UPRT: variants seen among roughly 807,000 people sequenced by gnomAD.
The protein encoded by UPRT is uracil phosphoribosyltransferase homolog.
Under a neutral mutation model 22.6 loss-of-function variants are expected in UPRT, and 5 were observed. The ratio of observed to expected loss-of-function variants is 0.22; its 90% CI spans 0.12 to 0.47. The LOEUF is 0.47. UPRT is among the 20% of genes least tolerant of loss of function. The probability of loss-of-function intolerance (pLI) is 0.99; values close to 1 mark genes in which losing one functional copy is unlikely to be tolerated. For missense variants in UPRT, 181 were observed against 239.9 expected (o/e 0.75, Z 1.62); for synonymous variants, 77 against 87.7 (o/e 0.88, Z 0.68).
At chrX:75,227,293 C>T (rs1343395932) in intron 4 of UPRT, among the ~76,000 whole-genome samples, 1 of 111,449 alleles carries the variant, frequency 9.0e-6, no homozygotes, top group African/African-American at 3.3e-5. Flanking sequence ...TAAAGGGAAG[C>T]GGATGAGGGT....
At chrX:75,271,495 C>T (rs1385849600), upstream of UPRT, among the ~76,000 whole-genome samples, 2 of 112,057 alleles carry the variant, frequency 1.8e-5, no homozygotes, top group African/African-American at 6.5e-5. Flanking sequence ...AAAATCAACT[C>T]AAGATGGATT....
Position 75,299,807 on chromosome X carries a change from A to T in UPRT, c.635A>T (p.Asp212Val). Residue 212 changes from aspartate to valine, a missense_variant, in exon 5 of 7, where the codon GAT becomes GTT. By Grantham distance (152) the Asp-to-Val change is radical. Around this residue, in one of 2 missense-constraint regions of UPRT, gnomAD observed 70 missense variants for 137.0 expected, o/e 0.51. Coordinates refer to ENST00000373383, the MANE Select transcript of UPRT (RefSeq NM_145052.4). ...ATTGGAAAGATCCTGATTCAGAGTG[A>T]TGAGGAGACACAAAGAGCCAAAGTA... ...IRIGKILIQSDEETQRAKVYY... is the reference protein window; with the variant it reads ...IRIGKILIQSVEETQRAKVYY... 1 of 1,211,540 alleles carries T rather than the reference A, an allele frequency of 8.3e-7. No homozygotes were observed. Among genetic ancestry groups the T allele is most frequent in the Non-Finnish European group, 1.1e-6 (1 of 895,386 alleles).
At chrX:75,245,307 G>T (rs749653951) in intron 4 of UPRT, among the ~76,000 whole-genome samples, 2 of 110,072 alleles carry the variant, frequency 1.8e-5, no homozygotes, top group Non-Finnish European at 3.8e-5. Context: ...ATAGATGCTG[G>T]AGAGGTTGAG....
At chrX:75,188,099 C>G (rs998262106) in intron 4 of UPRT, among the ~76,000 whole-genome samples, 6 of 112,089 alleles carry the variant, frequency 5.4e-5, no homozygotes, top group Non-Finnish European at 1.1e-4. Flanking sequence ...GAGAGGTGCT[C>G]TGCTTTTTAG....
chrX:75,187,934 T>A (rs1156556793), intron 4 of UPRT, among the ~76,000 whole-genome samples: 1 of 111,844 alleles, frequency 8.9e-6, no homozygotes, highest in Admixed American at 9.5e-5. Context: ...CTAAATTTTT[T>A]TCAAAGTTTT....
At chrX:75,251,239 G>T (rs2082528446) in intron 4 of UPRT, among the ~76,000 whole-genome samples, 2 of 111,364 alleles carry the variant, frequency 1.8e-5, no homozygotes, top group African/African-American at 6.5e-5. Context: ...AGGAAATAAA[G>T]GGTATTCAAT....
rs2082534884 is a variant in UPRT, at chrX:75,252,558, A to G, written c.-446-38466A>G. On this transcript the variant is annotated intron_variant, in intron 4 of 13. Coordinates refer to the UPRT transcript ENST00000652605. ...CAAGAAAGAACAGGTGCTGGAGAGGATGTGGAGAAATAGAAACACTTTTAC... is the reference window on the plus strand; with the variant it reads ...CAAGAAAGAACAGGTGCTGGAGAGGGTGTGGAGAAATAGAAACACTTTTAC... 1.8e-5 allele frequency among the ~76,000 whole-genome samples: 2 copies of G among 112,114 alleles called. 1 individual carries two copies. The highest frequency in any genetic ancestry group is 3.8e-5 in the Non-Finnish European group (2 of 53,246).
chrX:75,292,455 C>G (rs184168257), intron 1 of UPRT, among the ~76,000 whole-genome samples: 2 of 111,880 alleles, frequency 1.8e-5, no homozygotes, highest in East Asian at 5.6e-4. Context: ...TATGATAGAA[C>G]TGTGGTTAAG....
intron 4 of UPRT, among the ~76,000 whole-genome samples, chrX:75,221,269 G>T (rs1473945037): frequency 1.8e-5 from 2 of 109,655 alleles, no homozygotes; most frequent in Non-Finnish European, 3.8e-5. Context: ...GACATTTTGG[G>T]AATTTGACTA....
chrX:75,216,690 A>C (rs1021973781), intron 4 of UPRT, among the ~76,000 whole-genome samples: 1 of 112,499 alleles, frequency 8.9e-6, no homozygotes, highest in Non-Finnish European at 1.9e-5. Context: ...ATTCTGTTTG[A>C]CCATCCAGCT....
chrX:75,179,431 A>G (rs918556716), intron 4 of UPRT, among the ~76,000 whole-genome samples: 2 of 113,090 alleles, frequency 1.8e-5, no homozygotes, highest in Admixed American at 1.8e-4. Flanking sequence ...TCCCCACCAG[A>G]CTCAGGAGCC....
intron 4 of UPRT, among the ~76,000 whole-genome samples, chrX:75,263,022 G>T (rs1037778672): frequency 9.1e-6 from 1 of 110,252 alleles, no homozygotes; most frequent in Non-Finnish European, 1.9e-5. Flanking sequence ...GCACCTCATC[G>T]CACTTATTCT....
intron 1 of UPRT, among the ~76,000 whole-genome samples, chrX:75,286,212 C>T (rs1185123825): frequency 9.4e-6 from 1 of 106,281 alleles, no homozygotes; most frequent in African/African-American, 3.5e-5. Context: ...GTACAGGATG[C>T]TCAGTTAAAT....
intron 3 of UPRT, among the ~76,000 whole-genome samples, chrX:75,164,361 T>C (rs1602433250): frequency 9.0e-6 from 1 of 111,093 alleles, no homozygotes; most frequent in African/African-American, 3.3e-5. Context: ...CTGTAAAAAA[T>C]AAATCTCTGT....
chrX:75,296,391 G>T lies in UPRT; in HGVS notation c.479G>T (p.Cys160Phe), dbSNP rs1315348539. The change falls in exon 3 of 7, where the codon TGC becomes TTC. Residue 160 changes from cysteine (C) to phenylalanine (F), a missense_variant. Cys to Phe is a radical substitution (Grantham distance 205). This residue lies in a region of UPRT where 70 missense variants were observed against 137.0 expected (regional missense o/e 0.51). Transcript: ENST00000373383. Reference sequence around the variant, plus strand: ...TTGAATCAGCTGCCATATAAAGAATGCATGGTGACCACTCCAACAGGTAAC... The same window carrying T: ...TTGAATCAGCTGCCATATAAAGAATTCATGGTGACCACTCCAACAGGTAAC... ...EGLNQLPYKE[C>F]MVTTPTGYKY... The T allele has an allele frequency of 1.7e-6, 2 of 1,208,271 alleles. No homozygotes were observed. Among genetic ancestry groups the T allele is most frequent in the Non-Finnish European group, 2.2e-6 (2 of 894,174 alleles).
At chrX:75,258,193 GTTT>G (rs140894142) in intron 4 of UPRT, among the ~76,000 whole-genome samples, 1 of 79,908 alleles carries the variant, frequency 1.3e-5, no homozygotes, top group African/African-American at 4.5e-5. Flanking sequence ...AGCTGCAGGT[GTTT>G]TTTTTTTTTT....
intron 4 of UPRT, 115 bp downstream of exon 4, chrX:75,297,668 C>CA: frequency 1.2e-6 from 1 of 850,102 alleles, no homozygotes; most frequent in Admixed American, 2.3e-5. Context: ...AGTTAAATCT[C>CA]ACTACCTGTG....
chrX:75,248,719 A>G (rs2082516498), intron 4 of UPRT, among the ~76,000 whole-genome samples: 1 of 111,610 alleles, frequency 9.0e-6, no homozygotes, highest in Non-Finnish European at 1.9e-5. Context: ...CACCACAAAG[A>G]AATTCCTTGA....
chrX:75,195,306 G>A (rs1236336328), intron 4 of UPRT, among the ~76,000 whole-genome samples: 1 of 112,581 alleles, frequency 8.9e-6, no homozygotes, highest in Non-Finnish European at 1.9e-5. Context: ...AAGCACATGT[G>A]GCCAGGCTGG....
Sources: gnomAD v4.1 joint callset for allele counts (sites outside exome capture counted in the v4.1 genomes callset) on GRCh38, gnomAD v4.1.1 for gene constraint, gnomAD v4.1.1 regional missense constraint, MANE v1.5 for transcripts, NCBI Gene and HGNC (gene_info 2026-07-23, HGNC 2026-07-21) for gene names.